The following STAT4 variants were observed in gnomAD, a reference collection of about 807,000 sequenced individuals.
STAT4 encodes the protein signal transducer and activator of transcription 4.
STAT4 carries 42 observed loss-of-function variants against 110.5 expected under a neutral mutation model. That is an observed-to-expected ratio of 0.38 (90% CI 0.30 to 0.49). The LOEUF (loss-of-function observed/expected upper bound fraction) is 0.49. Among genes scored for constraint, STAT4 ranks in the 20% least tolerant of loss-of-function variants. The probability of loss-of-function intolerance (pLI) is 0.95; values close to 1 mark genes in which losing one functional copy is unlikely to be tolerated. For missense variants in STAT4, 632 were observed against 887.9 expected, an observed-to-expected ratio of 0.71 and a Z score of 3.66; for synonymous variants, 284 against 302.2, an observed-to-expected ratio of 0.94 and a Z score of 0.63.
At chr2:191,036,113 T>A (rs745505120) in intron 17 of STAT4, 51 bp downstream of exon 17, 3 of 1,588,416 alleles carry the variant, frequency 1.9e-6, no homozygotes, top group Non-Finnish European at 2.6e-6. Flanking sequence ...TTATTTAAAA[T>A]GCCTGAGGGC....
At position 191,051,304 on chromosome 2, in the gene STAT4, G is replaced by C. The variant is rs1004619870; in HGVS notation, c.1251+3186C>G. ...AGTTTTCCCATCTGTGTAGACACCT[G>C]CTCCCTCGAGAGGAGGCTGATCTGT... On this transcript the variant is annotated intron_variant, in intron 14 of 23. Coordinates refer to ENST00000392320, the MANE Select transcript of STAT4 (RefSeq NM_003151.4). The surrounding 1 kb of genome is among the most constrained non-coding windows in gnomAD (Gnocchi z 5.6). Among the ~76,000 whole-genome samples the C allele has an allele frequency of 3.3e-5, 5 of 152,216 alleles. No individual in the cohort carries two copies. The highest frequency in any genetic ancestry group is 1.2e-4 in the African/African-American group (5 of 41,462).
rs530682267 is a variant in STAT4 at position 191,042,082 on chromosome 2, G to T, written c.1252-934C>A. 7.2e-5 allele frequency among the ~76,000 whole-genome samples: 11 copies of T among 152,264 alleles called. No individual in the cohort carries two copies. The highest frequency in any genetic ancestry group is 2.4e-4 in the African/African-American group (10 of 41,552). The stretch of plus-strand genomic sequence containing the variant: ...TGGGAAGTTTGCCAGACCAAGGGAG[G>T]TAACATACAGCTACTGCCTTCTATA... On this transcript the variant is annotated intron_variant, in intron 14 of 23. Coordinates refer to ENST00000392320, the MANE Select transcript of STAT4 (RefSeq NM_003151.4). This position sits in a 1 kb window ranked among gnomAD's most constrained non-coding sequence, Gnocchi z 4.2.
At chr2:191,145,316 T>C (rs899688442) in intron 3 of STAT4, among the ~76,000 whole-genome samples, 1 of 152,216 alleles carries the variant, frequency 6.6e-6, no homozygotes, top group African/African-American at 2.4e-5. Flanking sequence ...TTATTTTAAA[T>C]TTTATGATCT....
Position 191,051,017 on chromosome 2 carries a change from G to T in STAT4, c.1251+3473C>A, listed in dbSNP as rs1476255633. Among the ~76,000 whole-genome samples the T allele has an allele frequency of 6.6e-6, 1 of 152,126 alleles. No homozygotes were observed. The highest frequency in any genetic ancestry group is 1.5e-5 in the Non-Finnish European group (1 of 68,020). ...TTACAACCAAAAAGTAGAATGGAGCGACCCAAAATTGTGTGTGTGCGTGTG... is the reference window on the plus strand; with the variant it reads ...TTACAACCAAAAAGTAGAATGGAGCTACCCAAAATTGTGTGTGTGCGTGTG... On this transcript the variant is annotated intron_variant, in intron 14 of 23. Transcript: ENST00000392320. This position sits in a 1 kb window ranked among gnomAD's most constrained non-coding sequence, Gnocchi z 5.6.
rs140885189 is a variant in STAT4 at position 191,115,381 on chromosome 2, G to A, written c.273+31232C>T. Among the ~76,000 whole-genome samples, 8 of 152,326 alleles carry A rather than the reference G, an allele frequency of 5.3e-5. No homozygotes were observed. In the East Asian group the frequency reaches 1.5e-3, roughly 29 times the overall value. ...AAATAATTCTTTGGAGGTTAGGAAT[G>A]GATCCAATGAAATAAAGCAACCTTG... On this transcript the variant is annotated intron_variant, in intron 3 of 23. Transcript: ENST00000392320.
At chr2:191,092,060 T>G (rs562285539) in intron 3 of STAT4, among the ~76,000 whole-genome samples, 1 of 152,346 alleles carries the variant, frequency 6.6e-6, no homozygotes, top group African/African-American at 2.4e-5. Context: ...TTTAAAATCT[T>G]GCTTGTATAA....
Position 191,029,725 on chromosome 2 carries a change from T to G in STAT4, c.*115A>C. 1 of 979,818 alleles carries G rather than the reference T, an allele frequency of 1.0e-6. No homozygotes were observed. Among genetic ancestry groups the G allele is most frequent in the South Asian group, 1.5e-5 (1 of 67,120 alleles). 60.7% of individuals were successfully genotyped at this position (979,818 alleles called of 1,614,324 possible). On this transcript the variant is annotated 3_prime_UTR_variant, in exon 24 of 24. Coordinates refer to ENST00000392320, the MANE Select transcript of STAT4 (RefSeq NM_003151.4). This position sits in a 1 kb window ranked among gnomAD's most constrained non-coding sequence, Gnocchi z 4.5. ...TGAAGAGAGCTTCAGATGTCAAACA[T>G]TTCCTAGAACCTGGTATTTACAAAG...
At position 191,099,650 on chromosome 2, in the gene STAT4, T is replaced by C. The variant is rs1017099874; in HGVS notation, c.274-23325A>G. 6.6e-6 allele frequency among the ~76,000 whole-genome samples: 1 copy of C among 152,140 alleles called. No individual in the cohort carries two copies. The highest frequency in any genetic ancestry group is 1.5e-5 in the Non-Finnish European group (1 of 67,982). ...TGTACACATTATATTTTTAAAAATA[T>C]CCACAAATTATATCTTTTCCATTTT... On this transcript the variant is annotated intron_variant, in intron 3 of 23. Transcript: ENST00000392320. This position sits in a 1 kb window ranked among gnomAD's most constrained non-coding sequence, Gnocchi z 4.1.
chr2:191,061,903 T>G lies in STAT4; in HGVS notation c.942-82A>C. 7.4e-7 allele frequency: 1 copy of G among 1,355,342 alleles called. No homozygotes were observed. Among genetic ancestry groups the G allele is most frequent in the Non-Finnish European group, 1.0e-6 (1 of 965,264 alleles). 84.0% of individuals were successfully genotyped at this position (1,355,342 alleles called of 1,614,324 possible). A position where few individuals can be genotyped will look rare whatever the true frequency, so the allele number is the denominator to read the frequency against. On this transcript the variant is annotated intron_variant, in intron 9 of 23. Transcript: ENST00000392320. This position sits in a 1 kb window ranked among gnomAD's most constrained non-coding sequence, Gnocchi z 6.2. ...AAAACCACAGAGGAACAGGATGCTA[T>G]CCACTCAAAGTCCAAATTTTCTACA...
intron 8 of STAT4, among the ~76,000 whole-genome samples, chr2:191,063,900 T>C (rs1696915262): frequency 6.6e-6 from 1 of 152,230 alleles, no homozygotes; most frequent in Admixed American, 6.5e-5. Flanking sequence ...CCCCAGTTAC[T>C]ACATATTCCA....
chr2:191,045,715 T>C (rs1218376938), intron 14 of STAT4, among the ~76,000 whole-genome samples: 6 of 152,216 alleles, frequency 3.9e-5, no homozygotes, highest in Non-Finnish European at 5.9e-5. Flanking sequence ...ATGAGAATGC[T>C]ACATTTAAGA....
chr2:191,098,212 T>C (rs947196836), intron 3 of STAT4, among the ~76,000 whole-genome samples: 10 of 152,228 alleles, frequency 6.6e-5, no homozygotes, highest in Non-Finnish European at 1.2e-4. Context: ...TGGCGATTCC[T>C]CAAGGATCTA....
At position 191,150,359 on chromosome 2, in the gene STAT4, C is replaced by G. The variant is rs1436496196; in HGVS notation, c.-2+588G>C. Among the ~76,000 whole-genome samples, 1 of 152,128 alleles carries G rather than the reference C, an allele frequency of 6.6e-6. No homozygotes were observed. Among genetic ancestry groups the G allele is most frequent in the African/African-American group, 2.4e-5 (1 of 41,414 alleles). ...TACTTCTTTCTCATGAAAACTGTGA[C>G]GTTGCTTCTGAAAACTCAGTGCCTG... On this transcript the variant is annotated intron_variant, in intron 1 of 23. Coordinates refer to ENST00000392320, the MANE Select transcript of STAT4 (RefSeq NM_003151.4). The surrounding 1 kb of genome is among the most constrained non-coding windows in gnomAD (Gnocchi z 6.4).
chr2:191,129,953 T>G (rs968215780), intron 3 of STAT4, among the ~76,000 whole-genome samples: 9 of 152,166 alleles, frequency 5.9e-5, no homozygotes, highest in African/African-American at 1.9e-4. Context: ...TTTAATTTCT[T>G]ATGTAGTCTA....
intron 3 of STAT4, among the ~76,000 whole-genome samples, chr2:191,084,214 A>T (rs1258956415): frequency 6.6e-6 from 1 of 152,056 alleles, no homozygotes. Flanking sequence ...GTGAGCCGAG[A>T]TCATGCCATT....
At chr2:191,095,241 C>T (rs1359736411) in intron 3 of STAT4, among the ~76,000 whole-genome samples, 2 of 152,176 alleles carry the variant, frequency 1.3e-5, no homozygotes, top group Non-Finnish European at 2.9e-5. Flanking sequence ...AGGAACTGAA[C>T]TCAGCTCTGC....
At chr2:191,131,641 G>A in intron 3 of STAT4, 1 of 597,800 alleles carries the variant, frequency 1.7e-6, no homozygotes, top group Non-Finnish European at 2.4e-6. Flanking sequence ...GTGTCAGGGA[G>A]GAGGCACAAG....
At chr2:191,148,279 G>A (rs1699506721) in intron 1 of STAT4, 75 bp from the exon 2 acceptor site, 1 of 1,523,938 alleles carries the variant, frequency 6.6e-7, no homozygotes, top group Non-Finnish European at 8.8e-7. Context: ...TCTTTCCTTA[G>A]AATTAGTCAA....
At chr2:191,064,231 C>T (rs1053725877) in intron 8 of STAT4, among the ~76,000 whole-genome samples, 7 of 152,166 alleles carry the variant, frequency 4.6e-5, no homozygotes, top group South Asian at 2.1e-4. Flanking sequence ...GTTACATCAA[C>T]GGAATAACAT....
Sources: gnomAD v4.1 joint callset for allele counts (sites outside exome capture counted in the v4.1 genomes callset) on GRCh38, gnomAD v4.1.1 for gene constraint, Gnocchi (gnomAD v3.1) non-coding constraint, MANE v1.5 for transcripts, NCBI Gene and HGNC (gene_info 2026-07-23, HGNC 2026-07-21) for gene names.